Variants in PARP12 observed in about 807,000 individuals in gnomAD.
PARP12 encodes the protein poly(ADP-ribose) polymerase family member 12, also known as protein mono-ADP-ribosyltransferase PARP12.
PARP12 carries 59 observed loss-of-function variants against 72.4 expected under a neutral mutation model. The observed-to-expected ratio is 0.81, with a 90% CI of 0.66 to 1.01. PARP12 has a LOEUF of 1.01. Among genes scored for constraint, PARP12 ranks in the 50% least tolerant of loss-of-function variants. PARP12 has a pLI of 0.00. For missense variants in PARP12, 851 were observed against 914.0 expected (o/e 0.93, Z 0.89); for synonymous variants, 403 against 371.4 (o/e 1.09, Z -0.98).
In PARP12 at chr7:140,062,933, G is replaced by T; in HGVS notation, c.-86C>A. 9.1e-7 allele frequency: 1 copy of T among 1,099,066 alleles called. No individual in the cohort carries two copies. The highest frequency in any genetic ancestry group is 1.1e-6 in the Non-Finnish European group (1 of 877,452). 68.1% of individuals were successfully genotyped at this position (1,099,066 alleles called of 1,614,324 possible). On this transcript the variant is annotated 5_prime_UTR_variant, in exon 1 of 12. Coordinates refer to ENST00000263549, the MANE Select transcript of PARP12 (RefSeq NM_022750.4). ...GGCTGGCGGGCGGCTCTCGCAGGGT[G>T]GAGACGCCGGCGGGAAACGAAACCG...
At chr7:140,032,049 A>G (rs952289911) in intron 8 of PARP12, among the ~76,000 whole-genome samples, 2 of 152,194 alleles carry the variant, frequency 1.3e-5, no homozygotes, top group Non-Finnish European at 1.5e-5. Flanking sequence ...TAAGAAAAAT[A>G]CCAGAAAGTT....
chr7:140,056,686 C>G (rs112107566), intron 3 of PARP12, among the ~76,000 whole-genome samples, 170 bp downstream of exon 3: 2,086 of 152,312 alleles, frequency 0.014, 30 homozygotes, highest in Middle Eastern at 0.037. Context: ...ATCCTCACCC[C>G]CGCACTCCCT....
Position 140,024,513 on chromosome 7 carries a change from C to G in PARP12, c.*47G>C, listed in dbSNP as rs1449389983. 1 of 1,587,822 alleles carries G rather than the reference C, an allele frequency of 6.3e-7. No individual in the cohort carries two copies. Among genetic ancestry groups the G allele is most frequent in the Non-Finnish European group, 8.6e-7 (1 of 1,157,898 alleles). ...AAAAGAAAAGGAAAGGCCCAAATAGCCATTTCAAGGCAGAGCAGGTGAAAG... is the reference window on the plus strand; with the variant it reads ...AAAAGAAAAGGAAAGGCCCAAATAGGCATTTCAAGGCAGAGCAGGTGAAAG... On this transcript the variant is annotated 3_prime_UTR_variant, in exon 12 of 12. Coordinates refer to ENST00000263549, the MANE Select transcript of PARP12 (RefSeq NM_022750.4).
chr7:140,026,860 T>C (rs556287292), intron 10 of PARP12, among the ~76,000 whole-genome samples: 4 of 152,286 alleles, frequency 2.6e-5, no homozygotes, highest in East Asian at 1.9e-4. Context: ...CCTCCCCACA[T>C]AGACAGGTGA....
At chr7:140,035,939 G>C in intron 7 of PARP12, among the ~76,000 whole-genome samples, 2 of 117,306 alleles carry the variant, frequency 1.7e-5, no homozygotes, top group African/African-American at 8.3e-5. Flanking sequence ...GGAGGAGGAG[G>C]AGGAGGAGGA....
intron 4 of PARP12, among the ~76,000 whole-genome samples, chr7:140,050,967 T>A (rs1396636277): frequency 6.6e-6 from 1 of 152,158 alleles, no homozygotes; most frequent in African/African-American, 2.4e-5. Context: ...GGTATAACTG[T>A]CACTAAAGAC....
At chr7:140,034,508 A>C in intron 7 of PARP12, 177 bp from the exon 8 acceptor site, 1 of 482,162 alleles carries the variant, frequency 2.1e-6, no homozygotes, top group East Asian at 4.3e-5. Context: ...CATAAAGAAA[A>C]TAGGTATCCT....
At position 140,062,594 on chromosome 7, in the gene PARP12, C is replaced by T; in HGVS notation, c.254G>A (p.Cys85Tyr). Reference protein sequence around the residue: ...CRAHQGSKPGCVGLCAQLHLC... With the variant: ...CRAHQGSKPGYVGLCAQLHLC... ...GTGGAGCTGCGCGCAGAGCCCCACG[C>T]AGCCCGGCTTGGAGCCCTGGTGCGC... is the stretch of plus-strand genomic sequence containing the variant. Residue 85 changes from cysteine (C) to tyrosine (Y), a missense_variant, in exon 1 of 12, where the codon TGC becomes TAC. Coordinates refer to ENST00000263549, the MANE Select transcript of PARP12 (RefSeq NM_022750.4). The T allele has an allele frequency of 1.3e-6, 2 of 1,530,314 alleles. No homozygotes were observed. The highest frequency in any genetic ancestry group is 8.7e-7 in the Non-Finnish European group (1 of 1,143,258). The allele number at this position is 1,530,314 out of a possible 1,614,324, so 94.8% of individuals were successfully genotyped here. A position where few individuals can be genotyped will look rare whatever the true frequency, so the allele number is the denominator to read the frequency against.
chr7:140,029,653 A>G (rs559364373), intron 8 of PARP12, among the ~76,000 whole-genome samples: 20 of 152,374 alleles, frequency 1.3e-4, no homozygotes, highest in Admixed American at 5.9e-4. Context: ...GGAAAAAAAA[A>G]GACAAACTTT....
chr7:140,038,650 G>A (rs1006826894), intron 6 of PARP12, among the ~76,000 whole-genome samples: 19 of 152,050 alleles, frequency 1.2e-4, no homozygotes, highest in African/African-American at 2.9e-4. Flanking sequence ...TATCATCACC[G>A]TTCTTATTAA....
chr7:140,025,872 G>A (rs1222963713), intron 11 of PARP12, among the ~76,000 whole-genome samples: 1 of 152,186 alleles, frequency 6.6e-6, no homozygotes, highest in African/African-American at 2.4e-5. Flanking sequence ...AATAGTAAAG[G>A]CACAGTCAGG....
intron 6 of PARP12, chr7:140,038,265 T>C (rs1816305422): frequency 1.0e-6 from 1 of 985,466 alleles, no homozygotes. Context: ...CAACCATCCT[T>C]TAATCAGAGC....
chr7:140,048,955 G>A (rs1816846089), intron 4 of PARP12, among the ~76,000 whole-genome samples: 1 of 152,278 alleles, frequency 6.6e-6, no homozygotes, highest in South Asian at 2.1e-4. Flanking sequence ...ATTTCTTACT[G>A]AGTGTCCTTT....
chr7:140,054,937 G>A (rs565787715), intron 3 of PARP12, among the ~76,000 whole-genome samples, 174 bp from the exon 4 acceptor site: 5 of 152,334 alleles, frequency 3.3e-5, no homozygotes, highest in Non-Finnish European at 5.9e-5. Context: ...TTTAGTGACA[G>A]GCTGGCAGCC....
intron 7 of PARP12, among the ~76,000 whole-genome samples, chr7:140,037,414 G>C (rs1443850362): frequency 6.6e-6 from 1 of 152,248 alleles, no homozygotes; most frequent in African/African-American, 2.4e-5. Context: ...AGGGACTCAG[G>C]TTAGTCCTCG....
Position 140,024,179 on chromosome 7 carries a change from G to T in PARP12, c.*381C>A. On this transcript the variant is annotated 3_prime_UTR_variant, in exon 12 of 12. Transcript: ENST00000263549. Reference sequence around the variant, plus strand: ...TGTGTCATTCTGGAAAAACTATGATGCCATGAGACTCTGAGAAACCGAATC... The same window carrying T: ...TGTGTCATTCTGGAAAAACTATGATTCCATGAGACTCTGAGAAACCGAATC... 3.2e-6 allele frequency: 1 copy of T among 313,722 alleles called. No individual in the cohort carries two copies. Among genetic ancestry groups the T allele is most frequent in the Non-Finnish European group, 6.2e-6 (1 of 161,218 alleles). The allele number at this position is 313,722 out of a possible 1,614,324, so 19.4% of individuals were successfully genotyped here.
chr7:140,053,110 T>C (rs1245890761), intron 4 of PARP12, among the ~76,000 whole-genome samples: 1 of 152,062 alleles, frequency 6.6e-6, no homozygotes, highest in Non-Finnish European at 1.5e-5. Context: ...CCAAGAGAAA[T>C]GGAAACATAT....
At chr7:140,052,734 G>T (rs886219036) in intron 4 of PARP12, among the ~76,000 whole-genome samples, 1 of 115,432 alleles carries the variant, frequency 8.7e-6, no homozygotes, top group Non-Finnish European at 1.8e-5. Context: ...GACCCCTTTT[G>T]TGTGTGTGTG....
chr7:140,028,722 T>G (rs777523794), intron 8 of PARP12, 34 bp from the exon 9 acceptor site: 8 of 1,543,436 alleles, frequency 5.2e-6, no homozygotes, highest in South Asian at 4.7e-5. Context: ...CGTAGACATT[T>G]TATTCTTACA....
Sources: allele counts gnomAD v4.1 joint callset (sites outside exome capture counted in the v4.1 genomes callset), GRCh38; gene constraint gnomAD v4.1.1; transcripts MANE v1.5; gene names NCBI Gene and HGNC (gene_info 2026-07-23, HGNC 2026-07-21).